The following ZSWIM3 variants were observed in gnomAD, a reference collection of about 807,000 sequenced individuals.
ZSWIM3 encodes zinc finger SWIM-type containing 3, also known as zinc finger SWIM domain-containing protein 3.
ZSWIM3 carries 27 observed loss-of-function variants against 47.5 expected under a neutral mutation model. The observed-to-expected ratio is 0.57, with a 90% CI of 0.42 to 0.78. The LOEUF is 0.78. ZSWIM3 is among the 30% of genes least tolerant of loss of function. ZSWIM3 has a pLI of 0.00. For synonymous variants in ZSWIM3, 333 were observed against 333.9 expected, an observed-to-expected ratio of 1.00 and a Z score of 0.03; for missense variants, 689 against 861.3, an observed-to-expected ratio of 0.80 and a Z score of 2.50.
intron 1 of ZSWIM3, among the ~76,000 whole-genome samples, chr20:45,874,410 G>C (rs1875776830): frequency 6.6e-6 from 1 of 152,186 alleles, no homozygotes; most frequent in African/African-American, 2.4e-5. Context: ...TACTCGAGAG[G>C]CTGAGGCAGG....
intron 1 of ZSWIM3, among the ~76,000 whole-genome samples, chr20:45,863,047 G>A (rs1985747596): frequency 2.0e-5 from 3 of 152,150 alleles, no homozygotes; most frequent in African/African-American, 7.2e-5. Context: ...AACACAAGTG[G>A]CAGCATGCTA....
intron 1 of ZSWIM3, among the ~76,000 whole-genome samples, chr20:45,874,920 G>A (rs948450758): frequency 1.3e-5 from 2 of 151,572 alleles, no homozygotes; most frequent in Non-Finnish European, 2.9e-5. Flanking sequence ...GAGAGTTAAT[G>A]TAAATCTCTT....
chr20:45,875,482 AT>A (rs11476581), intron 1 of ZSWIM3, among the ~76,000 whole-genome samples: 131,539 of 150,752 alleles, frequency 0.87, 57,399 homozygotes, highest in African/African-American at 0.9. Context: ...CCTTAATTCT[AT>A]TTTTTTTTTT....
At chr20:45,875,220 T>C (rs945952366) in intron 1 of ZSWIM3, among the ~76,000 whole-genome samples, 1 of 151,714 alleles carries the variant, frequency 6.6e-6, no homozygotes, top group Admixed American at 6.6e-5. Flanking sequence ...TTTTTTGTAT[T>C]TTTAGTAGAG....
chr20:45,857,904 TC>T lies in ZSWIM3; in HGVS notation c.81del (p.Phe28SerfsTer29), dbSNP rs1434585109. On this transcript the variant is annotated frameshift_variant, in exon 1 of 2. Transcript: ENST00000255152. LOFTEE classifies it high-confidence loss of function. The stretch of plus-strand genomic sequence containing the variant: ...CGCCTACAAAAGGGAGAACAGGTGC[TC>T]CTTCATTCTCAGGGACTGCGTCTCC... ...FSAYKRENRC[S>X]FILRDCVSVR... 1 of 1,609,650 alleles carries T rather than the reference TC, an allele frequency of 6.2e-7. No individual in the cohort carries two copies. Among genetic ancestry groups the T allele is most frequent in the Non-Finnish European group, 8.5e-7 (1 of 1,179,000 alleles).
At chr20:45,868,814 A>C (rs13039422) in intron 1 of ZSWIM3, among the ~76,000 whole-genome samples, 1 of 151,832 alleles carries the variant, frequency 6.6e-6, no homozygotes, top group African/African-American at 2.4e-5. Flanking sequence ...CATTATTTTT[A>C]TTTTTTGAGA....
In ZSWIM3 at chr20:45,869,009, T is replaced by C. The variant is rs73622621; in HGVS notation, c.156-7705T>C. On this transcript the variant is annotated intron_variant, in intron 1 of 1. Coordinates refer to ENST00000255152, the MANE Select transcript of ZSWIM3 (RefSeq NM_080752.4). ...TAGAGACAGGGTTTCACCATGTTGGTCAGGCTGGTCTTGAACTCCTGACCT... is the reference window on the plus strand; with the variant it reads ...TAGAGACAGGGTTTCACCATGTTGGCCAGGCTGGTCTTGAACTCCTGACCT... 2.2e-3 allele frequency among the ~76,000 whole-genome samples: 313 copies of C among 140,630 alleles called. No homozygotes were observed. The Middle Eastern group carries it at 0.045, about 20-fold the overall frequency. The allele number at this position is 140,630 out of a possible 152,430, so 92.3% of individuals were successfully genotyped here.
At position 45,870,670 on chromosome 20, in the gene ZSWIM3, A is replaced by C. The variant is rs142173900; in HGVS notation, c.156-6044A>C. 2.0e-5 allele frequency among the ~76,000 whole-genome samples: 3 copies of C among 152,186 alleles called. No homozygotes were observed. The East Asian group carries it at 5.8e-4, about 29-fold the overall frequency. On this transcript the variant is annotated intron_variant, in intron 1 of 1. Transcript: ENST00000255152. Reference sequence around the variant, plus strand: ...GAAGTGAAGTGACTTGTCCAAGGTCACATAGCTAAGTGGAATTTATTTTTT... The same window carrying C: ...GAAGTGAAGTGACTTGTCCAAGGTCCCATAGCTAAGTGGAATTTATTTTTT...
At chr20:45,870,339 C>CA (rs11473047) in intron 1 of ZSWIM3, among the ~76,000 whole-genome samples, 54,196 of 143,648 alleles carry the variant, frequency 0.38, 11,303 homozygotes, top group Non-Finnish European at 0.48. Flanking sequence ...GACTCCGTCT[C>CA]AAAAAAAAAA....
chr20:45,863,552 C>T (rs1985762395), intron 1 of ZSWIM3, among the ~76,000 whole-genome samples: 1 of 152,196 alleles, frequency 6.6e-6, no homozygotes, highest in Non-Finnish European at 1.5e-5. Context: ...CTCTGAATAA[C>T]CTTGTCAGAG....
intron 1 of ZSWIM3, among the ~76,000 whole-genome samples, chr20:45,867,091 C>T (rs1255871723): frequency 3.3e-5 from 5 of 150,352 alleles, no homozygotes; most frequent in African/African-American, 9.8e-5. Flanking sequence ...ACTGCAACCT[C>T]CGCCTTCCGA....
chr20:45,877,466 T>C lies in ZSWIM3; in HGVS notation c.908T>C (p.Ile303Thr). 1 of 1,614,156 alleles carries C rather than the reference T, an allele frequency of 6.2e-7. No homozygotes were observed. Among genetic ancestry groups the C allele is most frequent in the Non-Finnish European group, 8.5e-7 (1 of 1,180,026 alleles). Residue 303 changes from isoleucine to threonine, a missense_variant, in exon 2 of 2, where the codon ATC becomes ACC. Physicochemically the swap from Ile to Thr is moderately conservative, Grantham distance 89. Transcript: ENST00000255152. ...CAGGAGATCTTTCCTGCTGCCCGCA[T>C]CCTCCTTTCCATCTACCACACAACC... ...ILQEIFPAAR[I>T]LLSIYHTTRL...
At chr20:45,870,818 C>G (rs986388603) in intron 1 of ZSWIM3, among the ~76,000 whole-genome samples, 4 of 151,954 alleles carry the variant, frequency 2.6e-5, no homozygotes, top group African/African-American at 9.7e-5. Context: ...CTCAGCCACC[C>G]GAGTAGCTGA....
chr20:45,864,688 C>T (rs564458270), intron 1 of ZSWIM3, among the ~76,000 whole-genome samples: 1 of 151,364 alleles, frequency 6.6e-6, no homozygotes, highest in Non-Finnish European at 1.5e-5. Context: ...CATGGTGAAA[C>T]CAACTCTACT....
At chr20:45,865,178 G>A (rs1297453633) in intron 1 of ZSWIM3, among the ~76,000 whole-genome samples, 2 of 152,090 alleles carry the variant, frequency 1.3e-5, no homozygotes, top group South Asian at 4.1e-4. Context: ...GAATAGCTGG[G>A]TGTGGTGGCG....
At chr20:45,870,563 T>A (rs546158502) in intron 1 of ZSWIM3, among the ~76,000 whole-genome samples, 152 of 152,384 alleles carry the variant, frequency 1.0e-3, no homozygotes, top group African/African-American at 3.6e-3. Flanking sequence ...TATAGCTTTT[T>A]AAATTAATTC....
At chr20:45,865,114 T>C (rs1985805547) in intron 1 of ZSWIM3, among the ~76,000 whole-genome samples, 1 of 148,882 alleles carries the variant, frequency 6.7e-6, no homozygotes, top group South Asian at 2.1e-4. Context: ...AGGTCAGGAG[T>C]TCAAGACCAG....
chr20:45,857,915 C>T lies in ZSWIM3; in HGVS notation c.90C>T (p.Leu30=). The change falls in exon 1 of 2, where the codon CTC becomes CTT. Residue 30 remains leucine, a synonymous_variant. Coordinates refer to ENST00000255152, the MANE Select transcript of ZSWIM3 (RefSeq NM_080752.4). ...YKRENRCSFI[L]RDCVSVRFHN... is the part of the protein sequence containing the mutation. ...GGGAGAACAGGTGCTCCTTCATTCTCAGGGACTGCGTCTCCGTCCGCTTCC... is the reference window on the plus strand; with the variant it reads ...GGGAGAACAGGTGCTCCTTCATTCTTAGGGACTGCGTCTCCGTCCGCTTCC... The T allele has an allele frequency of 1.3e-6, 2 of 1,598,526 alleles. No homozygotes were observed. Among genetic ancestry groups the T allele is most frequent in the Non-Finnish European group, 1.7e-6 (2 of 1,172,234 alleles).
chr20:45,875,003 G>A (rs921775793), intron 1 of ZSWIM3, among the ~76,000 whole-genome samples: 7 of 148,782 alleles, frequency 4.7e-5, no homozygotes, highest in African/African-American at 7.5e-5. Context: ...CTGAGAACAC[G>A]TGCCCTGATT....
Sources: allele counts gnomAD v4.1 joint callset (sites outside exome capture counted in the v4.1 genomes callset), GRCh38; gene constraint gnomAD v4.1.1; transcripts MANE v1.5; gene names NCBI Gene and HGNC (gene_info 2026-07-23, HGNC 2026-07-21).